The following RARB variants were observed in gnomAD, a reference collection of about 807,000 sequenced individuals.
RARB encodes HBV-activated protein.
In RARB, 17 loss-of-function variants were observed where a neutral mutation model predicts 51.9. The observed-to-expected ratio is 0.33, with a 90% CI of 0.22 to 0.49. The LOEUF (loss-of-function observed/expected upper bound fraction) is 0.49, where lower values mean the gene tolerates loss of function less well. RARB is among the 20% of genes least tolerant of loss of function. The pLI, the probability that RARB is intolerant of heterozygous loss-of-function variation, is 0.99. For synonymous variants in RARB, 215 were observed against 195.4 expected (o/e 1.10, Z -0.84); for missense variants, 369 against 550.8 (o/e 0.67, Z 3.30).
chr3:25,382,604 C>G (rs1706661338), intron 5 of RARB, among the ~76,000 whole-genome samples: 4 of 152,180 alleles, frequency 2.6e-5, no homozygotes, highest in Admixed American at 1.3e-4. Context: ...GCCTGTAATC[C>G]CAGCACTTTG....
chr3:25,213,940 TTA>T (rs1198508395), intron 5 of RARB, among the ~76,000 whole-genome samples: 1 of 152,214 alleles, frequency 6.6e-6, no homozygotes, highest in African/African-American at 2.4e-5. Context: ...ATAGATTTTG[TTA>T]TATATTTCTA....
intron 5 of RARB, among the ~76,000 whole-genome samples, chr3:25,352,919 G>A (rs533615455): frequency 7.9e-5 from 12 of 152,224 alleles, no homozygotes; most frequent in Non-Finnish European, 8.8e-5. Flanking sequence ...TCAAAGACTC[G>A]GCTTTTCTCA....
chr3:25,195,917 A>G (rs897894440), intron 5 of RARB, among the ~76,000 whole-genome samples: 1 of 151,968 alleles, frequency 6.6e-6, no homozygotes, highest in Non-Finnish European at 1.5e-5. Context: ...TTATGGCTCT[A>G]TTTTAAATCA....
In RARB at chr3:25,212,607, A is replaced by T. The variant is rs1701725560; in HGVS notation, c.178+38032A>T. On this transcript the variant is annotated intron_variant, in intron 5 of 11. Coordinates refer to the RARB transcript ENST00000383772. Reference sequence around the variant, plus strand: ...CACTCCAGCCTGGCAACAGAGCTAGACTCTGTCTCAAAAGAAAAAAAGAAG... The same window carrying T: ...CACTCCAGCCTGGCAACAGAGCTAGTCTCTGTCTCAAAAGAAAAAAAGAAG... Among the ~76,000 whole-genome samples, 3 of 152,246 alleles carry T rather than the reference A, an allele frequency of 2.0e-5. No individual in the cohort carries two copies. The South Asian group carries it at 6.2e-4, about 32-fold the overall frequency.
chr3:24,852,365 A>G (rs1021769569), intron 1 of RARB, among the ~76,000 whole-genome samples: 43 of 152,172 alleles, frequency 2.8e-4, no homozygotes, highest in Admixed American at 3.3e-4. Context: ...GAAACTCTGG[A>G]GGTCCAGTGA....
intron 2 of RARB, among the ~76,000 whole-genome samples, chr3:24,948,346 C>T (rs1387865985): frequency 1.3e-5 from 2 of 152,164 alleles, no homozygotes; most frequent in Non-Finnish European, 1.5e-5. Context: ...TCTAGAACCT[C>T]CATTTCCTAG....
At chr3:24,896,760 T>C (rs889322233) in intron 2 of RARB, among the ~76,000 whole-genome samples, 3 of 152,224 alleles carry the variant, frequency 2.0e-5, no homozygotes, top group Non-Finnish European at 4.4e-5. Context: ...CTTGTTAGAA[T>C]AGGCTAGAGA....
intron 2 of RARB, among the ~76,000 whole-genome samples, chr3:25,031,397 C>A (rs1697873851): frequency 6.6e-6 from 1 of 152,118 alleles, no homozygotes; most frequent in African/African-American, 2.4e-5. Flanking sequence ...GGCCGGTAAG[C>A]TTTTCCTACA....
intron 3 of RARB, among the ~76,000 whole-genome samples, chr3:25,514,230 G>C (rs1353414983): frequency 6.6e-6 from 1 of 152,124 alleles, no homozygotes; most frequent in Non-Finnish European, 1.5e-5. Context: ...TCCTGGAGTG[G>C]TATCAAGGAC....
intron 3 of RARB, among the ~76,000 whole-genome samples, chr3:25,524,474 C>T (rs1698548849): frequency 6.6e-6 from 1 of 152,192 alleles, no homozygotes; most frequent in Non-Finnish European, 1.5e-5. Context: ...GAACCACCAT[C>T]TTCTCCATCT....
intron 1 of RARB, among the ~76,000 whole-genome samples, chr3:25,440,202 G>C (rs987253394): frequency 1.3e-5 from 2 of 152,094 alleles, no homozygotes; most frequent in Admixed American, 1.3e-4. Context: ...GGAAATTCTA[G>C]CACTTCAGGA....
intron 2 of RARB, among the ~76,000 whole-genome samples, chr3:24,995,694 T>G (rs927258296): frequency 1.3e-5 from 2 of 152,092 alleles, no homozygotes; most frequent in Non-Finnish European, 2.9e-5. Context: ...TTGAATTCTA[T>G]CAAACTTTTT....
At chr3:25,230,574 ATTAATAT>A (rs1156825574) in intron 5 of RARB, among the ~76,000 whole-genome samples, 1 of 152,090 alleles carries the variant, frequency 6.6e-6, no homozygotes, top group Non-Finnish European at 1.5e-5. Flanking sequence ...TATCATTATA[ATTAATAT>A]TTATCTAGTA....
At chr3:25,053,312 T>G (rs577891047) in intron 2 of RARB, among the ~76,000 whole-genome samples, 2 of 152,298 alleles carry the variant, frequency 1.3e-5, no homozygotes, top group Admixed American at 1.3e-4. Flanking sequence ...CCTTGTATCA[T>G]ACATGGTCAC....
intron 2 of RARB, among the ~76,000 whole-genome samples, chr3:25,051,478 GAA>G (rs1487951497): frequency 6.6e-6 from 1 of 152,114 alleles, no homozygotes; most frequent in East Asian, 1.9e-4. Flanking sequence ...CATAAAAATA[GAA>G]GAGAGGAGAA....
intron 3 of RARB, among the ~76,000 whole-genome samples, chr3:25,109,721 C>T (rs1226369215): frequency 6.6e-6 from 1 of 152,176 alleles, no homozygotes; most frequent in African/African-American, 2.4e-5. Flanking sequence ...AGCAGGTTTG[C>T]TTCCCTTTCC....
intron 4 of RARB, among the ~76,000 whole-genome samples, chr3:25,156,958 G>A (rs1259612373): frequency 6.6e-6 from 1 of 152,218 alleles, no homozygotes; most frequent in African/African-American, 2.4e-5. Flanking sequence ...AGAGATCGTA[G>A]CAGGCACTTG....
chr3:25,505,085 A>G (rs1350134498), intron 3 of RARB, among the ~76,000 whole-genome samples: 1 of 152,108 alleles, frequency 6.6e-6, no homozygotes, highest in African/African-American at 2.4e-5. Context: ...GGCCTGCATT[A>G]ACCACTTTTA....
chr3:25,513,412 C>T (rs1269276763), intron 3 of RARB, among the ~76,000 whole-genome samples: 1 of 151,994 alleles, frequency 6.6e-6, no homozygotes, highest in Non-Finnish European at 1.5e-5. Context: ...TCTGATCTTC[C>T]AAGAGTTAAG....
Sources: allele counts gnomAD v4.1 joint callset (sites outside exome capture counted in the v4.1 genomes callset), GRCh38; gene constraint gnomAD v4.1.1; transcripts MANE v1.5; gene names NCBI Gene and HGNC (gene_info 2026-07-23, HGNC 2026-07-21).